PAPPA2: variants seen among roughly 807,000 people sequenced by gnomAD.
PAPPA2 encodes the protein pappalysin-2.
A neutral mutation model predicts 176.4 loss-of-function variants in PAPPA2; 86 were observed. That is an observed-to-expected ratio of 0.49 (90% CI 0.41 to 0.58). The LOEUF (loss-of-function observed/expected upper bound fraction) is 0.58, where lower values mean the gene tolerates loss of function less well. PAPPA2 is among the 20% of genes least tolerant of loss of function. PAPPA2 has a pLI of 0.00. For missense variants in PAPPA2, 2,073 were observed against 2,256.9 expected, an observed-to-expected ratio of 0.92 and a Z score of 1.65; for synonymous variants, 809 against 852.2, an observed-to-expected ratio of 0.95 and a Z score of 0.88.
At chr1:176,702,518 C>T (rs965008223) in intron 8 of PAPPA2, 89 bp from the exon 9 acceptor site, 29 of 1,541,646 alleles carry the variant, frequency 1.9e-5, no homozygotes, top group Non-Finnish European at 2.4e-5. Flanking sequence ...CATAATATTT[C>T]CCTTCAACTT....
intron 1 of PAPPA2, among the ~76,000 whole-genome samples, chr1:176,543,132 G>A (rs1384565760): frequency 2.0e-5 from 3 of 152,136 alleles, no homozygotes; most frequent in African/African-American, 7.2e-5. Context: ...CTAAACATCA[G>A]TGTTGGCTTC....
chr1:176,623,576 CTCCTTCCTTCCT>C (rs200667738), intron 3 of PAPPA2, among the ~76,000 whole-genome samples: 1,193 of 84,916 alleles, frequency 0.014, 25 homozygotes, highest in East Asian at 0.074. Context: ...CCTTCCTTCC[CTCCTTCCTTCCT>C]TCCTTCCTTC....
chr1:176,553,042 A>G (rs936969217), intron 1 of PAPPA2, among the ~76,000 whole-genome samples: 18 of 151,970 alleles, frequency 1.2e-4, no homozygotes, highest in African/African-American at 4.4e-4. Context: ...TCTCCCTGGC[A>G]TCGAGGGTGG....
intron 19 of PAPPA2, among the ~76,000 whole-genome samples, chr1:176,793,139 G>C (rs922586235): frequency 3.5e-4 from 53 of 152,164 alleles, no homozygotes; most frequent in African/African-American, 1.3e-3. Context: ...AAGCTTCCAG[G>C]AGACCATGTA....
chr1:176,674,759 A>T lies in PAPPA2; in HGVS notation c.2137+3644A>T, dbSNP rs562801751. ...GTTTTTTTTTTTTTTTCTTTTCTCC[A>T]TATAGTGACTTCTTTTCCTTTGGGT... On this transcript the variant is annotated intron_variant, in intron 4 of 22. Coordinates refer to ENST00000367662, the MANE Select transcript of PAPPA2 (RefSeq NM_020318.3). Among the ~76,000 whole-genome samples, 16 of 140,032 alleles carry T rather than the reference A, an allele frequency of 1.1e-4. No individual in the cohort carries two copies. The South Asian group carries it at 2.4e-3, about 21-fold the overall frequency. 91.9% of individuals were successfully genotyped at this position (140,032 alleles called of 152,430 possible).
At chr1:176,501,190 G>A (rs1647940286) in intron 1 of PAPPA2, among the ~76,000 whole-genome samples, 1 of 151,766 alleles carries the variant, frequency 6.6e-6, no homozygotes, top group Non-Finnish European at 1.5e-5. Flanking sequence ...GTAGCAGCAT[G>A]AAAGCAAATT....
At chr1:176,798,657 C>A (rs1385091723) in intron 20 of PAPPA2, among the ~76,000 whole-genome samples, 2 of 152,198 alleles carry the variant, frequency 1.3e-5, no homozygotes, top group Non-Finnish European at 2.9e-5. Context: ...AACAGAATTA[C>A]TGTTGATATG....
At chr1:176,763,180 C>G (rs1663775559) in intron 14 of PAPPA2, among the ~76,000 whole-genome samples, 1 of 152,150 alleles carries the variant, frequency 6.6e-6, no homozygotes, top group Non-Finnish European at 1.5e-5. Flanking sequence ...TGACCACTAA[C>G]ACAATTCAGG....
chr1:176,664,879 A>G (rs937317111), intron 3 of PAPPA2, among the ~76,000 whole-genome samples: 1 of 152,182 alleles, frequency 6.6e-6, no homozygotes, highest in African/African-American at 2.4e-5. Context: ...ATGTTCTGGT[A>G]ATAATTATGT....
rs77832181 is a variant in PAPPA2, at chr1:176,576,641, C to T, written c.920-17883C>T. On this transcript the variant is annotated intron_variant, in intron 2 of 22. Transcript: ENST00000367662. The stretch of plus-strand genomic sequence containing the variant: ...TCCTCAGGAAACAGATTGTGGTCTG[C>T]CCTGATTTGGAGTCCTGCTCCTCAG... Among the ~76,000 whole-genome samples, 647 of 152,240 alleles carry T rather than the reference C, an allele frequency of 4.2e-3. 6 individuals are homozygous for T. The highest frequency in any genetic ancestry group is 0.014 in the African/African-American group (601 of 41,536).
intron 5 of PAPPA2, 137 bp downstream of exon 5, chr1:176,690,567 T>C (rs1358239824): frequency 5.5e-6 from 8 of 1,446,028 alleles, no homozygotes; most frequent in East Asian, 2.5e-5. Context: ...GTATTTATTA[T>C]AAGGTATTAT....
chr1:176,842,357 C>A, intron 22 of PAPPA2, 23 bp from the exon 23 acceptor site: 2 of 1,603,774 alleles, frequency 1.2e-6, no homozygotes, highest in Non-Finnish European at 1.7e-6. Context: ...TGAGCTATTT[C>A]TACTTCCCTT....
At chr1:176,478,489 A>G (rs2102475140) in intron 1 of PAPPA2, among the ~76,000 whole-genome samples, 1 of 152,354 alleles carries the variant, frequency 6.6e-6, no homozygotes, top group African/African-American at 2.4e-5. Context: ...TGTCATGAGG[A>G]CTGAATGAAA....
chr1:176,705,660 C>T (rs1273132311), intron 9 of PAPPA2, among the ~76,000 whole-genome samples: 1 of 152,196 alleles, frequency 6.6e-6, no homozygotes, highest in African/African-American at 2.4e-5. Flanking sequence ...AACTCCCCCA[C>T]CTCAATTCAA....
intron 12 of PAPPA2, among the ~76,000 whole-genome samples, chr1:176,728,480 A>T (rs894957605): frequency 5.9e-5 from 9 of 151,960 alleles, no homozygotes; most frequent in African/African-American, 9.7e-5. Context: ...AATTTGAAAT[A>T]TCTCTATGAA....
chr1:176,691,646 A>G (rs1660127382), intron 5 of PAPPA2, among the ~76,000 whole-genome samples: 1 of 152,252 alleles, frequency 6.6e-6, no homozygotes, highest in Non-Finnish European at 1.5e-5. Context: ...GCCAGATTCA[A>G]AAGTGAGGCT....
At chr1:176,513,851 C>T (rs1648754116) in intron 1 of PAPPA2, among the ~76,000 whole-genome samples, 1 of 152,124 alleles carries the variant, frequency 6.6e-6, no homozygotes, top group African/African-American at 2.4e-5. Context: ...AGGTATCTGT[C>T]TAGGACTCAG....
intron 2 of PAPPA2, among the ~76,000 whole-genome samples, chr1:176,580,078 T>C (rs1225583495): frequency 6.6e-6 from 1 of 152,204 alleles, no homozygotes; most frequent in African/African-American, 2.4e-5. Context: ...ATAGTCATCC[T>C]ACAGTTCTAT....
chr1:176,523,046 G>A (rs891823250), intron 1 of PAPPA2, among the ~76,000 whole-genome samples: 1 of 152,112 alleles, frequency 6.6e-6, no homozygotes, highest in African/African-American at 2.4e-5. Context: ...TTCTTGGTAT[G>A]CCTGTTTACA....
Sources: allele counts gnomAD v4.1 joint callset (sites outside exome capture counted in the v4.1 genomes callset), GRCh38; gene constraint gnomAD v4.1.1; transcripts MANE v1.5; gene names NCBI Gene and HGNC (gene_info 2026-07-23, HGNC 2026-07-21).